Variants in TEK observed in about 807,000 individuals in gnomAD.
The protein encoded by TEK is TEK receptor tyrosine kinase, also known as angiopoietin-1 receptor.
In TEK, 43 loss-of-function variants were observed where a neutral mutation model predicts 131.8. That is an observed-to-expected ratio of 0.33 (90% confidence interval 0.26 to 0.42). The LOEUF (loss-of-function observed/expected upper bound fraction) is 0.42. Ranked by LOEUF, TEK falls within the 10% of genes least tolerant of loss-of-function variation. TEK has a pLI of 1.00. For synonymous variants in TEK, 580 were observed against 491.6 expected, an observed-to-expected ratio of 1.18 and a Z score of -2.38; for missense variants, 1,162 against 1,384.4, an observed-to-expected ratio of 0.84 and a Z score of 2.55.
chr9:27,217,882 T>C, intron 19 of TEK, 124 bp downstream of exon 19: 7 of 856,370 alleles, frequency 8.2e-6, no homozygotes, highest in Middle Eastern at 6.7e-4. Flanking sequence ...ACTAAAAAGC[T>C]CAGGAAATAA....
chr9:27,145,522 A>G (rs1040330339), intron 1 of TEK, among the ~76,000 whole-genome samples: 3 of 152,194 alleles, frequency 2.0e-5, no homozygotes, highest in Non-Finnish European at 2.9e-5. Flanking sequence ...GATAATACCA[A>G]TAGTCCTTTA....
intron 1 of TEK, among the ~76,000 whole-genome samples, chr9:27,139,099 C>T (rs1286651688): frequency 1.3e-5 from 2 of 150,102 alleles, no homozygotes. Context: ...GTCCCAGCTA[C>T]TCCGGAGGGA....
chr9:27,135,086 A>T (rs531295346), intron 1 of TEK, among the ~76,000 whole-genome samples: 1 of 139,116 alleles, frequency 7.2e-6, no homozygotes, highest in African/African-American at 2.7e-5. Flanking sequence ...TTAGCTGGGC[A>T]TGGTGGTGCA....
At chr9:27,153,377 G>T (rs149576693) in intron 1 of TEK, among the ~76,000 whole-genome samples, 1 of 152,358 alleles carries the variant, frequency 6.6e-6, no homozygotes, top group African/African-American at 2.4e-5. Flanking sequence ...TTGAACCCGG[G>T]AGGCGGAAGT....
intron 1 of TEK, among the ~76,000 whole-genome samples, chr9:27,139,794 G>C (rs1018313156): frequency 1.3e-5 from 2 of 152,122 alleles, no homozygotes; most frequent in African/African-American, 4.8e-5. Context: ...GAGGAAGAGA[G>C]AGTGTGTGTA....
chr9:27,218,495 A>C (rs1825914890), intron 19 of TEK, among the ~76,000 whole-genome samples: 1 of 152,180 alleles, frequency 6.6e-6, no homozygotes, highest in Admixed American at 6.5e-5. Context: ...CAGATCTGTC[A>C]AGCTCCACAA....
At chr9:27,211,157 G>GTGT (rs1825601883) in intron 16 of TEK, among the ~76,000 whole-genome samples, 2 of 111,700 alleles carry the variant, frequency 1.8e-5, no homozygotes, top group Admixed American at 9.4e-5. Context: ...ATATATGTAT[G>GTGT]AATATATGTA....
In TEK at chr9:27,209,242, C is replaced by G. The variant is rs758125475; in HGVS notation, c.2686+11C>G. 3 of 1,557,620 alleles carry G rather than the reference C, an allele frequency of 1.9e-6. No homozygotes were observed. The highest frequency in any genetic ancestry group is 1.7e-4 in the Middle Eastern group (1 of 5,972). ...CATGTGAACATCGAGGTAAGATGCTCTTTTCCTGTCTTTCCTGCCAGAGTT... is the reference window on the plus strand; with the variant it reads ...CATGTGAACATCGAGGTAAGATGCTGTTTTCCTGTCTTTCCTGCCAGAGTT... On this transcript the variant is annotated intron_variant, in intron 16 of 22. Coordinates refer to ENST00000380036, the MANE Select transcript of TEK (RefSeq NM_000459.5).
At chr9:27,133,437 G>T (rs1171753712) in intron 1 of TEK, among the ~76,000 whole-genome samples, 1 of 152,212 alleles carries the variant, frequency 6.6e-6, no homozygotes, top group Non-Finnish European at 1.5e-5. Flanking sequence ...AGTCGGCTGA[G>T]TTTGAGTCAG....
chr9:27,129,369 T>G (rs1276100161), intron 1 of TEK, among the ~76,000 whole-genome samples: 1 of 152,226 alleles, frequency 6.6e-6, no homozygotes, highest in African/African-American at 2.4e-5. Flanking sequence ...GATATCTCTC[T>G]GTTCTTATGA....
intron 1 of TEK, among the ~76,000 whole-genome samples, chr9:27,130,357 C>T (rs1394259505): frequency 6.6e-6 from 1 of 151,988 alleles, no homozygotes; most frequent in Non-Finnish European, 1.5e-5. Context: ...CATCTCTTAC[C>T]ACACACCAAA....
intron 9 of TEK, among the ~76,000 whole-genome samples, chr9:27,187,442 C>A (rs1824639133): frequency 6.6e-6 from 1 of 152,108 alleles, no homozygotes; most frequent in African/African-American, 2.4e-5. Context: ...CAGTTCCACC[C>A]CTAGGTATAT....
At chr9:27,162,796 A>G (rs1823591258) in intron 2 of TEK, among the ~76,000 whole-genome samples, 1 of 151,836 alleles carries the variant, frequency 6.6e-6, no homozygotes, top group Non-Finnish European at 1.5e-5. Flanking sequence ...GCTCACTGCA[A>G]CCTCTGCCTC....
At chr9:27,168,374 T>C (rs535583704) in intron 2 of TEK, 121 bp from the exon 3 acceptor site, 13 of 754,980 alleles carry the variant, frequency 1.7e-5, no homozygotes, top group Non-Finnish European at 2.8e-5. Flanking sequence ...GTTTTTCACC[T>C]TCCAAAAACC....
chr9:27,162,081 G>C (rs964723629), intron 2 of TEK, among the ~76,000 whole-genome samples: 2 of 152,172 alleles, frequency 1.3e-5, no homozygotes, highest in South Asian at 2.1e-4. Context: ...AACAGGTTCT[G>C]TTTTTCTTGC....
At chr9:27,128,630 G>T (rs1822089162) in intron 1 of TEK, among the ~76,000 whole-genome samples, 1 of 152,144 alleles carries the variant, frequency 6.6e-6, no homozygotes, top group Admixed American at 6.5e-5. Context: ...TTTTCCATTT[G>T]TTTGTGTCCT....
chr9:27,229,868 G>C lies in TEK; in HGVS notation c.*636G>C, dbSNP rs764030018. 6.5e-6 allele frequency: 1 copy of C among 152,932 alleles called. No homozygotes were observed. The highest frequency in any genetic ancestry group is 1.5e-5 in the Non-Finnish European group (1 of 68,596). 9.5% of individuals were successfully genotyped at this position (152,932 alleles called of 1,614,324 possible). On this transcript the variant is annotated 3_prime_UTR_variant, in exon 23 of 23. Coordinates refer to ENST00000380036, the MANE Select transcript of TEK (RefSeq NM_000459.5). ...TCCAGGATGCTAACATCTAAAAATAGACTTAAATCTCATTGCTTACAAGCC... is the reference window on the plus strand; with the variant it reads ...TCCAGGATGCTAACATCTAAAAATACACTTAAATCTCATTGCTTACAAGCC...
At chr9:27,154,095 T>C (rs1823233684) in intron 1 of TEK, among the ~76,000 whole-genome samples, 1 of 152,224 alleles carries the variant, frequency 6.6e-6, no homozygotes, top group Non-Finnish European at 1.5e-5. Context: ...AAGGGACATA[T>C]ATGTCCATGG....
At chr9:27,118,518 C>T (rs983102651) in intron 1 of TEK, among the ~76,000 whole-genome samples, 22 of 152,150 alleles carry the variant, frequency 1.4e-4, no homozygotes, top group Non-Finnish European at 3.1e-4. Context: ...CCTGTGGTCC[C>T]AGCAACCCGG....
Sources: allele counts gnomAD v4.1 joint callset (sites outside exome capture counted in the v4.1 genomes callset), GRCh38; gene constraint gnomAD v4.1.1; transcripts MANE v1.5; gene names NCBI Gene and HGNC (gene_info 2026-07-23, HGNC 2026-07-21).